SCUBE1: variants seen among roughly 807,000 people sequenced by gnomAD.
The protein encoded by SCUBE1 is signal peptide, CUB and EGF-like domain-containing protein 1.
A neutral mutation model predicts 124.4 loss-of-function variants in SCUBE1; 59 were observed. That is an observed-to-expected ratio of 0.47 (90% CI 0.38 to 0.59). The LOEUF (loss-of-function observed/expected upper bound fraction) is 0.59. Among genes scored for constraint, SCUBE1 ranks in the 20% least tolerant of loss-of-function variants. The probability of loss-of-function intolerance (pLI) is 0.00; values close to 1 mark genes in which losing one functional copy is unlikely to be tolerated. For missense variants in SCUBE1, 1,150 were observed against 1,371.2 expected (o/e 0.84, Z 2.55); for synonymous variants, 545 against 550.9 (o/e 0.99, Z 0.15).
intron 3 of SCUBE1, among the ~76,000 whole-genome samples, chr22:43,310,277 C>T (rs1195121743): frequency 1.3e-5 from 2 of 152,106 alleles, no homozygotes; most frequent in Non-Finnish European, 2.9e-5. Flanking sequence ...GGTACTTCCT[C>T]CCTCTCACTG....
At position 43,210,875 on chromosome 22, in the gene SCUBE1, GCCCCT is replaced by G; in HGVS notation, c.2383+42_2383+46del. ...TCCTCCCGCCCCCACAACCTGCCCAGCCCCTCCCGTGTTCCCAGCTTCCCACGGCA... is the reference window on the plus strand; with the variant it reads ...TCCTCCCGCCCCCACAACCTGCCCAGCCCGTGTTCCCAGCTTCCCACGGCA... On this transcript the variant is annotated intron_variant, in intron 18 of 21. Transcript: ENST00000360835. This position sits in a 1 kb window ranked among gnomAD's most constrained non-coding sequence, Gnocchi z 4.5. The G allele has an allele frequency of 6.3e-7, 1 of 1,588,432 alleles. No individual in the cohort carries two copies. The highest frequency in any genetic ancestry group is 1.1e-5 in the South Asian group (1 of 90,464).
At chr22:43,307,373 C>G (rs1926008667) in intron 3 of SCUBE1, among the ~76,000 whole-genome samples, 1 of 152,186 alleles carries the variant, frequency 6.6e-6, no homozygotes. Flanking sequence ...TGTATGGACA[C>G]CCTGGAGGAG....
chr22:43,324,850 C>T (rs1426250579), intron 2 of SCUBE1, among the ~76,000 whole-genome samples: 8 of 150,656 alleles, frequency 5.3e-5, no homozygotes. Flanking sequence ...TAAATTGTGT[C>T]CCCGCAAAAA....
chr22:43,249,668 T>C (rs947853285), intron 6 of SCUBE1, among the ~76,000 whole-genome samples: 5 of 152,132 alleles, frequency 3.3e-5, no homozygotes, highest in Non-Finnish European at 5.9e-5. Flanking sequence ...TCATGGCCAT[T>C]TGGGGGACGG....
chr22:43,246,575 G>T (rs1388574847), intron 6 of SCUBE1, among the ~76,000 whole-genome samples: 1 of 152,232 alleles, frequency 6.6e-6, no homozygotes, highest in African/African-American at 2.4e-5. Context: ...AGGATAGAGG[G>T]AACTGGAAGA....
chr22:43,220,826 G>C (rs11912736), intron 13 of SCUBE1, among the ~76,000 whole-genome samples: 1,748 of 152,286 alleles, frequency 0.011, 34 homozygotes, highest in African/African-American at 0.04. Context: ...ACATATTCAT[G>C]AATGAGGCTG....
In SCUBE1 at chr22:43,202,531, C is replaced by T. The variant is rs1186476794; in HGVS notation, c.*1466G>A. On this transcript the variant is annotated 3_prime_UTR_variant, in exon 22 of 22. Transcript: ENST00000360835. ...CGGCATGGGGTTCTGCTGGCTCCAT[C>T]CCAGGCGCTGGCCTTCCGGCTGGGT... The T allele has an allele frequency of 6.6e-6, 1 of 152,212 alleles. No individual in the cohort carries two copies. Among genetic ancestry groups the T allele is most frequent in the African/African-American group, 2.4e-5 (1 of 41,420 alleles). The allele number at this position is 152,212 out of a possible 1,614,324, so 9.4% of individuals were successfully genotyped here. A position where few individuals can be genotyped will look rare whatever the true frequency, so the allele number is the denominator to read the frequency against.
intron 3 of SCUBE1, among the ~76,000 whole-genome samples, chr22:43,298,302 G>A (rs1925639464): frequency 6.6e-6 from 1 of 152,216 alleles, no homozygotes; most frequent in Non-Finnish European, 1.5e-5. Flanking sequence ...GGACCTGTCT[G>A]CTTCCTGGTC....
intron 4 of SCUBE1, among the ~76,000 whole-genome samples, chr22:43,285,794 C>A (rs1925115324): frequency 6.6e-6 from 1 of 152,162 alleles, no homozygotes; most frequent in African/African-American, 2.4e-5. Context: ...TGGTTGGGCA[C>A]CCTGGAGGGC....
At chr22:43,222,032 C>G (rs946294668) in intron 12 of SCUBE1, among the ~76,000 whole-genome samples, 5 of 152,126 alleles carry the variant, frequency 3.3e-5, no homozygotes, top group African/African-American at 1.2e-4. Context: ...CCACTGCACT[C>G]CAGCCTGGGT....
chr22:43,203,707 G>A lies in SCUBE1; in HGVS notation c.*290C>T. The A allele has an allele frequency of 2.9e-6, 1 of 343,374 alleles. No homozygotes were observed. Among genetic ancestry groups the A allele is most frequent in the Non-Finnish European group, 5.4e-6 (1 of 185,474 alleles). The allele number at this position is 343,374 out of a possible 1,614,324, so 21.3% of individuals were successfully genotyped here. The stretch of plus-strand genomic sequence containing the variant: ...AACGCCAGGCCAGGCAGAGGGTCCT[G>A]CAATCCTGCTACCTGCAGTCGGTCT... On this transcript the variant is annotated 3_prime_UTR_variant, in exon 22 of 22. Coordinates refer to ENST00000360835, the MANE Select transcript of SCUBE1 (RefSeq NM_173050.5).
intron 4 of SCUBE1, among the ~76,000 whole-genome samples, chr22:43,287,768 T>C (rs1311166343): frequency 6.6e-6 from 1 of 152,198 alleles, no homozygotes; most frequent in Admixed American, 6.5e-5. Context: ...GAATCAGAGG[T>C]CACTTGTCTG....
intron 2 of SCUBE1, among the ~76,000 whole-genome samples, chr22:43,336,266 C>T (rs935907802): frequency 3.9e-5 from 6 of 152,100 alleles, no homozygotes; most frequent in Non-Finnish European, 5.9e-5. Flanking sequence ...AGGCTCCCCT[C>T]GAAGAGACCA....
intron 3 of SCUBE1, among the ~76,000 whole-genome samples, chr22:43,303,209 C>T (rs1360375135): frequency 1.3e-5 from 2 of 152,266 alleles, no homozygotes; most frequent in East Asian, 3.8e-4. Context: ...GGCGGCTGTG[C>T]GGCTGTTCCT....
rs1184591792 is a variant in SCUBE1, at chr22:43,211,128, G to A, written c.2222-45C>T. ...AGTGTGGTGGGTGTGGAGGGGTGCA[G>A]GGAAAGGGCAGCACTGGGGTGCTGT... On this transcript the variant is annotated intron_variant, in intron 17 of 21. Transcript: ENST00000360835. The surrounding 1 kb of genome is among the most constrained non-coding windows in gnomAD (Gnocchi z 4.5). The A allele has an allele frequency of 1.9e-6, 3 of 1,566,900 alleles. No homozygotes were observed. The highest frequency in any genetic ancestry group is 1.4e-5 in the African/African-American group (1 of 73,988).
intron 21 of SCUBE1, among the ~76,000 whole-genome samples, chr22:43,207,332 G>T (rs867571442): frequency 3.9e-5 from 6 of 152,254 alleles, no homozygotes; most frequent in Middle Eastern, 6.8e-3. Context: ...CTTCCCTCAG[G>T]CCTCCTGGTC....
At position 43,208,347 on chromosome 22, in the gene SCUBE1, A is replaced by T. The variant is rs955777145; in HGVS notation, c.2582-123T>A. The stretch of plus-strand genomic sequence containing the variant: ...CCGAACGCCTGGTCCCCCAAACACA[A>T]CGGCTTAGTCTTTGTGCTTGCTCCC... On this transcript the variant is annotated intron_variant, in intron 19 of 21. Coordinates refer to ENST00000360835, the MANE Select transcript of SCUBE1 (RefSeq NM_173050.5). 50 of 866,072 alleles carry T rather than the reference A, an allele frequency of 5.8e-5. No homozygotes were observed. In the East Asian group the frequency reaches 7.6e-4, roughly 13 times the overall value. The allele number at this position is 866,072 out of a possible 1,614,324, so 53.6% of individuals were successfully genotyped here.
At chr22:43,218,805 G>C (rs565678185) in intron 14 of SCUBE1, among the ~76,000 whole-genome samples, 1 of 152,344 alleles carries the variant, frequency 6.6e-6, no homozygotes, top group East Asian at 1.9e-4. Context: ...ATAGTGTCCA[G>C]CTCTCTGGCC....
intron 20 of SCUBE1, 104 bp downstream of exon 20, chr22:43,207,968 G>T: frequency 3.9e-6 from 5 of 1,296,814 alleles, no homozygotes; most frequent in Non-Finnish European, 5.5e-6. Context: ...GTCTGTACCT[G>T]CCAGGTCGCA....
Sources: gnomAD v4.1 joint callset for allele counts (sites outside exome capture counted in the v4.1 genomes callset) on GRCh38, gnomAD v4.1.1 for gene constraint, Gnocchi (gnomAD v3.1) non-coding constraint, MANE v1.5 for transcripts, NCBI Gene and HGNC (gene_info 2026-07-23, HGNC 2026-07-21) for gene names.